PHKB: variants seen among roughly 807,000 people sequenced by gnomAD.
The protein encoded by PHKB is phosphorylase kinase regulatory subunit beta.
PHKB carries 122 observed loss-of-function variants against 152.1 expected under a neutral mutation model. That is an observed-to-expected ratio of 0.80 (90% CI 0.69 to 0.93). PHKB has a LOEUF of 0.93. Ranked by LOEUF, PHKB falls within the 40% of genes least tolerant of loss-of-function variation. The pLI is 0.00. For missense variants in PHKB, 1,304 were observed against 1,328.4 expected (o/e 0.98, Z 0.29); for synonymous variants, 436 against 464.9 (o/e 0.94, Z 0.80).
rs1043960499 is a variant in PHKB at position 47,473,218 on chromosome 16, ATTTTTTTTTTTTTTTTTTTT to A, written c.76+11807_76+11826del. On this transcript the variant is annotated intron_variant, in intron 1 of 30. Coordinates refer to ENST00000323584, the MANE Select transcript of PHKB (RefSeq NM_000293.3). ...AGGTGTGCACTACCATGCCTGGCTA[ATTTTTTTTTTTTTTTTTTTT>A]TTTTTTTTTTTTTTATTGTAGAGAC... Among the ~76,000 whole-genome samples the A allele has an allele frequency of 5.6e-3, 271 of 48,778 alleles. 1 individual carries two copies. Among genetic ancestry groups the A allele is most frequent in the South Asian group, 0.023 (19 of 810 alleles). 32.0% of individuals were successfully genotyped at this position (48,778 alleles called of 152,430 possible).
intron 10 of PHKB, among the ~76,000 whole-genome samples, chr16:47,592,394 T>C (rs1972043654): frequency 6.6e-6 from 1 of 152,254 alleles, no homozygotes; most frequent in South Asian, 2.1e-4. Flanking sequence ...GTTTCAGTTT[T>C]CACTACTTCG....
At chr16:47,611,509 T>C (rs1045450177) in intron 14 of PHKB, among the ~76,000 whole-genome samples, 3 of 152,284 alleles carry the variant, frequency 2.0e-5, no homozygotes, top group Non-Finnish European at 4.4e-5. Flanking sequence ...TTGTGGATTG[T>C]GGAAACTGCC....
At chr16:47,549,041 G>A (rs1347505111) in intron 7 of PHKB, among the ~76,000 whole-genome samples, 1 of 152,160 alleles carries the variant, frequency 6.6e-6, no homozygotes, top group East Asian at 1.9e-4. Flanking sequence ...ATTCATGTGA[G>A]GAATTTTTAC....
chr16:47,573,024 T>C (rs1249145217), intron 7 of PHKB, among the ~76,000 whole-genome samples: 1 of 152,116 alleles, frequency 6.6e-6, no homozygotes, highest in Non-Finnish European at 1.5e-5. Flanking sequence ...TGCGTACCCA[T>C]TGCAGAAGTT....
intron 7 of PHKB, among the ~76,000 whole-genome samples, chr16:47,559,450 TTTA>T (rs1173395866): frequency 1.3e-5 from 2 of 152,188 alleles, no homozygotes; most frequent in Non-Finnish European, 2.9e-5. Context: ...TACATTATTA[TTTA>T]TTATTAAGAT....
At chr16:47,562,948 G>C (rs1971501397) in intron 7 of PHKB, among the ~76,000 whole-genome samples, 1 of 152,112 alleles carries the variant, frequency 6.6e-6, no homozygotes, top group African/African-American at 2.4e-5. Flanking sequence ...CTGTTTACCA[G>C]GGGTAAATTT....
At chr16:47,691,516 G>GC (rs1974059649) in intron 27 of PHKB, among the ~76,000 whole-genome samples, 1 of 152,092 alleles carries the variant, frequency 6.6e-6, no homozygotes, top group Non-Finnish European at 1.5e-5. Context: ...ACCAGGCTGG[G>GC]CAACATGGCA....
intron 4 of PHKB, chr16:47,505,334 AC>A (rs1970395943): frequency 6.6e-6 from 1 of 151,782 alleles, no homozygotes; most frequent in African/African-American, 2.4e-5. Context: ...CACTCATCAG[AC>A]CCCAGAAAAG....
chr16:47,547,638 G>A (rs1008113172), intron 7 of PHKB, 90 bp downstream of exon 7: 63 of 776,870 alleles, frequency 8.1e-5, no homozygotes, highest in African/African-American at 1.2e-4. Context: ...TTGGAACTGT[G>A]ATTCATATGT....
At position 47,584,642 on chromosome 16, in the gene PHKB, G is replaced by A. The variant is rs576218531; in HGVS notation, c.775-3026G>A. ...ATTCCTATCAGTAAATACCCTTTCC[G>A]GAAGAATACATTTCTCCAGGCTCTG... On this transcript the variant is annotated intron_variant, in intron 8 of 30. Transcript: ENST00000323584. Among the ~76,000 whole-genome samples, 8 of 152,216 alleles carry A rather than the reference G, an allele frequency of 5.3e-5. No individual in the cohort carries two copies. The South Asian group carries it at 1.7e-3, about 32-fold the overall frequency.
At chr16:47,598,943 G>T in intron 13 of PHKB, 1 of 1,528,222 alleles carries the variant, frequency 6.5e-7, no homozygotes. Context: ...AGCCTCTCAT[G>T]TGGAGTATTG....
chr16:47,498,281 TA>T (rs766310447), intron 2 of PHKB, among the ~76,000 whole-genome samples: 2 of 152,252 alleles, frequency 1.3e-5, no homozygotes, highest in Non-Finnish European at 2.9e-5. Flanking sequence ...GAACTAACTA[TA>T]TTTTTTTATG....
At chr16:47,517,541 G>A (rs535120835) in intron 6 of PHKB, among the ~76,000 whole-genome samples, 3 of 152,214 alleles carry the variant, frequency 2.0e-5, no homozygotes, top group African/African-American at 7.2e-5. Context: ...ACATCTGGGA[G>A]CCACTGCACC....
chr16:47,499,841 C>T lies in PHKB; in HGVS notation c.252C>T (p.Ile84=). The T allele has an allele frequency of 6.2e-7, 1 of 1,614,170 alleles. No individual in the cohort carries two copies. Among genetic ancestry groups the T allele is most frequent in the South Asian group, 1.1e-5 (1 of 91,084 alleles). ...GCGGTGGTGACCAGAAGGCCAAGAT[C>T]CAGGACAGCCTATACTGCGCTGCTG... ...KTCGGDQKAK[I]QDSLYCAAGA... Residue 84 remains isoleucine (I), a synonymous_variant, in exon 3 of 31, where the codon ATC becomes ATT. Transcript: ENST00000323584.
intron 18 of PHKB, among the ~76,000 whole-genome samples, chr16:47,649,431 T>A (rs150424415): frequency 1.5e-3 from 233 of 152,262 alleles, no homozygotes; most frequent in Non-Finnish European, 1.3e-3. Context: ...CCTTGTGCCT[T>A]TATACAAATG....
At chr16:47,618,304 A>G (rs895299484) in intron 14 of PHKB, among the ~76,000 whole-genome samples, 3 of 151,604 alleles carry the variant, frequency 2.0e-5, no homozygotes, top group Admixed American at 1.3e-4. Context: ...TTTATTTTAA[A>G]TCTGTAACTG....
intron 7 of PHKB, among the ~76,000 whole-genome samples, chr16:47,556,768 A>G (rs1051447523): frequency 6.6e-6 from 1 of 152,162 alleles, no homozygotes; most frequent in East Asian, 1.9e-4. Context: ...TGGTATCAGG[A>G]TGATGCTGGC....
chr16:47,623,805 G>A (rs910722053), intron 14 of PHKB, among the ~76,000 whole-genome samples: 4 of 151,962 alleles, frequency 2.6e-5, no homozygotes, highest in Non-Finnish European at 4.4e-5. Context: ...TGATCCACCC[G>A]CCTCAGCCTT....
intron 4 of PHKB, 53 bp from the exon 5 acceptor site, chr16:47,511,612 C>A: frequency 1.6e-6 from 2 of 1,245,806 alleles, no homozygotes; most frequent in South Asian, 1.2e-5. Flanking sequence ...AATCTATAGT[C>A]TTGGATAAGT....
Sources: allele counts gnomAD v4.1 joint callset (sites outside exome capture counted in the v4.1 genomes callset), GRCh38; gene constraint gnomAD v4.1.1; transcripts MANE v1.5; gene names NCBI Gene and HGNC (gene_info 2026-07-23, HGNC 2026-07-21).